The following KMT2A variants were observed in gnomAD, a reference collection of about 807,000 sequenced individuals.
KMT2A encodes the protein lysine methyltransferase 2A, also known as histone-lysine N-methyltransferase 2A.
In KMT2A, 16 loss-of-function variants were observed where a neutral mutation model predicts 345.3. The observed-to-expected ratio is 0.05, with a 90% confidence interval of 0.03 to 0.07. The LOEUF (loss-of-function observed/expected upper bound fraction) is 0.07, where lower values mean the gene tolerates loss of function less well. Among genes scored for constraint, KMT2A ranks in the 10% least tolerant of loss-of-function variants. The pLI, the probability that KMT2A is intolerant of heterozygous loss-of-function variation, is 1.00. For missense variants in KMT2A, 3,272 were observed against 4,841.6 expected, an observed-to-expected ratio of 0.68 and a Z score of 9.62; for synonymous variants, 1,599 against 1,778.6, an observed-to-expected ratio of 0.90 and a Z score of 2.54.
intron 1 of KMT2A, among the ~76,000 whole-genome samples, chr11:118,438,623 T>A (rs539955212): frequency 1.3e-5 from 2 of 152,248 alleles, no homozygotes; most frequent in African/African-American, 4.8e-5. Flanking sequence ...GGCAAACCCC[T>A]TGTCCCCTAT....
At chr11:118,492,335 TTC>T (rs1172199827) in intron 15 of KMT2A, among the ~76,000 whole-genome samples, 4 of 152,206 alleles carry the variant, frequency 2.6e-5, no homozygotes, top group African/African-American at 9.7e-5. Context: ...GAAAAACACT[TTC>T]TGTTTATGTA....
intron 1 of KMT2A, among the ~76,000 whole-genome samples, chr11:118,442,223 T>G (rs2134172029): frequency 6.6e-6 from 1 of 152,342 alleles, no homozygotes; most frequent in South Asian, 2.1e-4. Context: ...CCCAGTGGCA[T>G]AGACCTTTGA....
chr11:118,522,566 G>A lies in KMT2A; in HGVS notation c.*394G>A, dbSNP rs1255811044. 2 of 250,884 alleles carry A rather than the reference G, an allele frequency of 8.0e-6. No homozygotes were observed. Among genetic ancestry groups the A allele is most frequent in the Admixed American group, 9.7e-5 (2 of 20,538 alleles). The allele number at this position is 250,884 out of a possible 1,614,324, so 15.5% of individuals were successfully genotyped here. On this transcript the variant is annotated 3_prime_UTR_variant, in exon 36 of 36. Coordinates refer to ENST00000534358, the MANE Select transcript of KMT2A (RefSeq NM_001197104.2). The surrounding 1 kb of genome is among the most constrained non-coding windows in gnomAD (Gnocchi z 5.4). ...TGGCCCTTTCCCAAGCACTGTAAGT[G>A]AGTGGGTCAGGCAAAGCCCCAAATG...
chr11:118,496,430 T>C lies in KMT2A; in HGVS notation c.5664+63T>C, dbSNP rs113048560. 4,531 of 1,114,746 alleles carry C rather than the reference T, an allele frequency of 4.1e-3. 13 individuals carry two copies. The highest frequency in any genetic ancestry group is 5.4e-3 in the Non-Finnish European group (3,974 of 734,822). The allele number at this position is 1,114,746 out of a possible 1,614,324, so 69.1% of individuals were successfully genotyped here. The stretch of plus-strand genomic sequence containing the variant: ...ACTCCAAAAGAACTGTTTGTCCTTG[T>C]GTCCATACTTGATGACTGGGTGCCA... On this transcript the variant is annotated intron_variant, in intron 20 of 35. Transcript: ENST00000534358. The surrounding 1 kb of genome is among the most constrained non-coding windows in gnomAD (Gnocchi z 4.7).
Position 118,520,417 on chromosome 11 carries a change from C to A in KMT2A, c.11429+353C>A. 3.1e-6 allele frequency: 1 copy of A among 325,780 alleles called. No individual in the cohort carries two copies. Among genetic ancestry groups the A allele is most frequent in the Non-Finnish European group, 5.6e-6 (1 of 177,394 alleles). The allele number at this position is 325,780 out of a possible 1,614,324, so 20.2% of individuals were successfully genotyped here. On this transcript the variant is annotated intron_variant, in intron 33 of 35. Transcript: ENST00000534358. This position sits in a 1 kb window ranked among gnomAD's most constrained non-coding sequence, Gnocchi z 4.3. ...CCTGTAATTCCAGCACTTTGGAAGT[C>A]CGAGGCGGACAGATCATGAGGTCAG...
At chr11:118,462,145 G>A (rs1409884951) in intron 1 of KMT2A, among the ~76,000 whole-genome samples, 1 of 151,908 alleles carries the variant, frequency 6.6e-6, no homozygotes, top group Non-Finnish European at 1.5e-5. Context: ...GTAGAGACGG[G>A]GTTTCACCAT....
intron 8 of KMT2A, 92 bp downstream of exon 8, chr11:118,482,587 T>G: frequency 1.1e-6 from 1 of 910,284 alleles, no homozygotes; most frequent in Non-Finnish European, 1.7e-6. Flanking sequence ...TAGATGGCAG[T>G]GGAATTTCTT....
chr11:118,436,732 G>C lies in KMT2A; in HGVS notation c.220G>C (p.Val74Leu), dbSNP rs1949190834. Reference protein sequence around the residue: ...AAAAGSSGAGVPGGAAAASAA... With the variant: ...AAAAGSSGAGLPGGAAAASAA... ...GGCGGCGGGAAGCAGCGGGGCTGGG[G>C]TTCCAGGGGGAGCGGCCGCCGCCTC... Residue 74 changes from valine to leucine, a missense_variant, in exon 1 of 36, where the codon GTT becomes CTT. Physicochemically the swap from Val to Leu is conservative, Grantham distance 32. This residue lies in a region of KMT2A where 412 missense variants were observed against 511.0 expected (regional missense o/e 0.81). Transcript: ENST00000534358. This position sits in a 1 kb window ranked among gnomAD's most constrained non-coding sequence, Gnocchi z 6.9. 6.3e-7 allele frequency: 1 copy of C among 1,576,358 alleles called. No individual in the cohort carries two copies. Among genetic ancestry groups the C allele is most frequent in the Admixed American group, 1.7e-5 (1 of 57,204 alleles).
chr11:118,498,530 TGA>T lies in KMT2A; in HGVS notation c.5961+8_5961+9del. On this transcript the variant is annotated splice_donor_region_variant and intron_variant, in intron 22 of 35. Coordinates refer to ENST00000534358, the MANE Select transcript of KMT2A (RefSeq NM_001197104.2). This position sits in a 1 kb window ranked among gnomAD's most constrained non-coding sequence, Gnocchi z 4.4. ...CATCGGGATTTGATCAAAGGCGAAG[TGA>T]GAGAGCTTTAGTTGCTTTAAAAAAA... The T allele has an allele frequency of 1.3e-6, 2 of 1,594,186 alleles. No individual in the cohort carries two copies. The highest frequency in any genetic ancestry group is 1.7e-6 in the Non-Finnish European group (2 of 1,173,498).
Position 118,498,022 on chromosome 11 carries a change from TGAC to T in KMT2A, c.5753_5755del (p.Asp1918del). On this transcript the variant is annotated inframe_deletion, in exon 21 of 36. Coordinates refer to ENST00000534358, the MANE Select transcript of KMT2A (RefSeq NM_001197104.2). This position sits in a 1 kb window ranked among gnomAD's most constrained non-coding sequence, Gnocchi z 4.4. ...GGTCAGCGGAAGTGTTTGAAGATGA[TGAC>T]GGATCACTAAAGAATGTGCATATGG... 1 of 1,614,150 alleles carries T rather than the reference TGAC, an allele frequency of 6.2e-7. No individual in the cohort carries two copies. The highest frequency in any genetic ancestry group is 8.5e-7 in the Non-Finnish European group (1 of 1,180,018).
In KMT2A at chr11:118,472,800, A is replaced by G. The variant is rs782122011; in HGVS notation, c.1641A>G (p.Ser547=). ...SFGSRTTKKL[S]TLQSAPQQQT... ...GATCTAGAACGACGAAAAAATTATC[A>G]ACTCTACAAAGTGCCCCCCAGCAGC... Residue 547 remains serine, a synonymous_variant, in exon 3 of 36, where the codon TCA becomes TCG. Coordinates refer to ENST00000534358, the MANE Select transcript of KMT2A (RefSeq NM_001197104.2). 10 of 1,613,762 alleles carry G rather than the reference A, an allele frequency of 6.2e-6. No homozygotes were observed. The highest frequency in any genetic ancestry group is 8.5e-6 in the Non-Finnish European group (10 of 1,179,960).
chr11:118,498,983 A>G lies in KMT2A; in HGVS notation c.5962-320A>G, dbSNP rs1555044855. ...TCACATAGTTGGAATCATATAGTAC[A>G]TAGCCTTTTCAGACTGGCTTCTTCT... On this transcript the variant is annotated intron_variant, in intron 22 of 35. Transcript: ENST00000534358. This position sits in a 1 kb window ranked among gnomAD's most constrained non-coding sequence, Gnocchi z 4.4. Among the ~76,000 whole-genome samples, 1 of 152,226 alleles carries G rather than the reference A, an allele frequency of 6.6e-6. No homozygotes were observed. The highest frequency in any genetic ancestry group is 1.5e-5 in the Non-Finnish European group (1 of 68,036).
chr11:118,484,060 T>C lies in KMT2A; in HGVS notation c.4087-123T>C. ...TAAAAAAAAATTCAAAGATTATTTG[T>C]TTATGTTGGAAACATGTTTTTTAGA... On this transcript the variant is annotated intron_variant, in intron 8 of 35. Coordinates refer to ENST00000534358, the MANE Select transcript of KMT2A (RefSeq NM_001197104.2). The surrounding 1 kb of genome is among the most constrained non-coding windows in gnomAD (Gnocchi z 4.1). 3 of 1,001,112 alleles carry C rather than the reference T, an allele frequency of 3.0e-6. No homozygotes were observed. Among genetic ancestry groups the C allele is most frequent in the East Asian group, 2.6e-5 (1 of 39,038 alleles). The allele number at this position is 1,001,112 out of a possible 1,614,324, so 62.0% of individuals were successfully genotyped here. A position where few individuals can be genotyped will look rare whatever the true frequency, so the allele number is the denominator to read the frequency against.
chr11:118,469,042 C>T (rs977962114), intron 2 of KMT2A, among the ~76,000 whole-genome samples, 198 bp downstream of exon 2: 4 of 152,054 alleles, frequency 2.6e-5, no homozygotes, highest in Non-Finnish European at 5.9e-5. Flanking sequence ...GCACAATGTG[C>T]AAGTTAGTTA....
At chr11:118,489,664 G>A (rs1292175911) in intron 11 of KMT2A, 128 bp from the exon 12 acceptor site, 1 of 707,144 alleles carries the variant, frequency 1.4e-6, no homozygotes, top group Non-Finnish European at 2.4e-6. Flanking sequence ...AATAATGTAT[G>A]AGGAAATTTA....
intron 10 of KMT2A, among the ~76,000 whole-genome samples, chr11:118,488,281 T>C (rs1950263992): frequency 6.6e-6 from 1 of 152,218 alleles, no homozygotes; most frequent in South Asian, 2.1e-4. Flanking sequence ...AGAAAACGTT[T>C]AAACCCTCCC....
In KMT2A at chr11:118,484,848, TTC is replaced by T; in HGVS notation, c.4219-7_4219-6del. The T allele has an allele frequency of 1.9e-6, 3 of 1,581,442 alleles. No individual in the cohort carries two copies. The highest frequency in any genetic ancestry group is 1.7e-6 in the Non-Finnish European group (2 of 1,150,420). On this transcript the variant is annotated splice_polypyrimidine_tract_variant and intron_variant, in intron 9 of 35. Transcript: ENST00000534358. This position sits in a 1 kb window ranked among gnomAD's most constrained non-coding sequence, Gnocchi z 4.1. Reference sequence around the variant, plus strand: ...ATTGTAAAACTTTCCTAAGTGACCTTTCTCTCTCCACAGGAGGATTGTGAAGC... The same window carrying T: ...ATTGTAAAACTTTCCTAAGTGACCTTTCTCTCCACAGGAGGATTGTGAAGC...
intron 1 of KMT2A, among the ~76,000 whole-genome samples, chr11:118,438,308 T>C (rs1949241685): frequency 6.6e-6 from 1 of 152,068 alleles, no homozygotes. Flanking sequence ...GAGTTGCTTC[T>C]ATAAACATTA....
intron 1 of KMT2A, among the ~76,000 whole-genome samples, chr11:118,454,829 A>C (rs1299971858): frequency 1.3e-5 from 2 of 152,060 alleles, no homozygotes; most frequent in Non-Finnish European, 2.9e-5. Context: ...TTTGACTTTA[A>C]AAAAATGGTT....
Sources: gnomAD v4.1 joint callset for allele counts (sites outside exome capture counted in the v4.1 genomes callset) on GRCh38, gnomAD v4.1.1 for gene constraint, gnomAD v4.1.1 regional missense constraint, Gnocchi (gnomAD v3.1) non-coding constraint, MANE v1.5 for transcripts, NCBI Gene and HGNC (gene_info 2026-07-23, HGNC 2026-07-21) for gene names.